ERBB4: variants seen among roughly 807,000 people sequenced by gnomAD.
ERBB4 encodes receptor tyrosine-protein kinase erbB-4.
In ERBB4, 42 loss-of-function variants were observed where a neutral mutation model predicts 158.0. The ratio of observed to expected loss-of-function variants is 0.27; its 90% CI spans 0.21 to 0.34. The LOEUF is 0.34. Ranked by LOEUF, ERBB4 falls within the 10% of genes least tolerant of loss-of-function variation. The pLI, the probability that ERBB4 is intolerant of heterozygous loss-of-function variation, is 1.00. For missense variants in ERBB4, 1,333 were observed against 1,624.1 expected, an observed-to-expected ratio of 0.82 and a Z score of 3.08; for synonymous variants, 583 against 558.7, an observed-to-expected ratio of 1.04 and a Z score of -0.61.
chr2:211,625,854 G>A (rs1418803337), intron 17 of ERBB4, among the ~76,000 whole-genome samples: 2 of 152,296 alleles, frequency 1.3e-5, no homozygotes, highest in East Asian at 3.9e-4. Context: ...TATACATTGT[G>A]TATATGCCTT....
chr2:212,476,884 A>G (rs1689432619), intron 1 of ERBB4, among the ~76,000 whole-genome samples: 1 of 152,020 alleles, frequency 6.6e-6, no homozygotes, highest in South Asian at 2.1e-4. Flanking sequence ...AAAAGACAAT[A>G]CCACTCTAGC....
intron 3 of ERBB4, among the ~76,000 whole-genome samples, chr2:211,855,453 T>C (rs1040711173): frequency 7.2e-5 from 11 of 152,142 alleles, no homozygotes; most frequent in African/African-American, 2.7e-4. Flanking sequence ...TAAAAGTTTT[T>C]TACCTTTAAC....
chr2:211,997,962 C>T (rs532329725), intron 2 of ERBB4, among the ~76,000 whole-genome samples: 8 of 150,868 alleles, frequency 5.3e-5, no homozygotes, highest in South Asian at 4.2e-4. Flanking sequence ...GAATGCAATA[C>T]GTGAAGCTGA....
chr2:211,568,835 C>T (rs1022919674), intron 19 of ERBB4, among the ~76,000 whole-genome samples: 1 of 152,032 alleles, frequency 6.6e-6, no homozygotes, highest in Non-Finnish European at 1.5e-5. Context: ...ATAATGACGG[C>T]CACAATGATG....
chr2:211,959,730 C>T (rs190975329), intron 2 of ERBB4, among the ~76,000 whole-genome samples: 3 of 152,170 alleles, frequency 2.0e-5, no homozygotes, highest in Non-Finnish European at 2.9e-5. Context: ...TAAAATATCA[C>T]CTTTTTGCCT....
At chr2:211,759,806 A>AGT (rs67981670) in intron 4 of ERBB4, among the ~76,000 whole-genome samples, 5,228 of 149,984 alleles carry the variant, frequency 0.035, 193 homozygotes, top group African/African-American at 0.093. Context: ...CATTTTCTAG[A>AGT]GTGTGTGTGT....
At chr2:211,786,037 A>G (rs1383610484) in intron 4 of ERBB4, among the ~76,000 whole-genome samples, 1 of 152,220 alleles carries the variant, frequency 6.6e-6, no homozygotes, top group African/African-American at 2.4e-5. Flanking sequence ...TAGACAGATG[A>G]AGTCTTGAAC....
chr2:212,370,470 T>C (rs2090047041), intron 1 of ERBB4, among the ~76,000 whole-genome samples: 1 of 152,142 alleles, frequency 6.6e-6, no homozygotes, highest in South Asian at 2.1e-4. Context: ...TGGTAGCTAG[T>C]TGGATATATA....
rs769707072 is a variant in ERBB4 at position 211,560,262 on chromosome 2, CTTTTTT to C, written c.2487+1635_2487+1640del. ...CAGCACTAACAAATTTGAAGCTTAG[CTTTTTT>C]TTTTTTTTTTTTTTTTTTTTTTTGA... On this transcript the variant is annotated intron_variant, in intron 20 of 27. Coordinates refer to ENST00000342788, the MANE Select transcript of ERBB4 (RefSeq NM_005235.3). Among the ~76,000 whole-genome samples, 217 of 46,250 alleles carry C rather than the reference CTTTTTT, an allele frequency of 4.7e-3. 1 individual carries two copies. Among genetic ancestry groups the C allele is most frequent in the African/African-American group, 0.02 (210 of 10,398 alleles). 30.3% of individuals were successfully genotyped at this position (46,250 alleles called of 152,430 possible).
intron 20 of ERBB4, among the ~76,000 whole-genome samples, chr2:211,460,183 C>T (rs1423395383): frequency 1.3e-5 from 2 of 151,966 alleles, no homozygotes; most frequent in Non-Finnish European, 2.9e-5. Flanking sequence ...ATTATTATTA[C>T]CAGTAAAAAT....
chr2:212,391,596 G>A (rs1476119920), intron 1 of ERBB4, among the ~76,000 whole-genome samples: 1 of 142,552 alleles, frequency 7.0e-6, no homozygotes, highest in Non-Finnish European at 1.5e-5. Flanking sequence ...AGTCTCTCCT[G>A]TACAGCAATG....
intron 27 of ERBB4, among the ~76,000 whole-genome samples, chr2:211,384,456 A>G (rs2062642542): frequency 6.6e-6 from 1 of 152,168 alleles, no homozygotes; most frequent in Non-Finnish European, 1.5e-5. Flanking sequence ...TAACTTCTAT[A>G]AAGGATATTG....
At chr2:212,344,039 T>C (rs2088851430) in intron 1 of ERBB4, among the ~76,000 whole-genome samples, 1 of 152,238 alleles carries the variant, frequency 6.6e-6, no homozygotes, top group Non-Finnish European at 1.5e-5. Flanking sequence ...GAAATCATTT[T>C]AAATTTATTT....
intron 4 of ERBB4, among the ~76,000 whole-genome samples, chr2:211,769,509 G>C (rs1208416040): frequency 6.6e-6 from 1 of 152,216 alleles, no homozygotes; most frequent in Non-Finnish European, 1.5e-5. Context: ...ATAGGAAAGA[G>C]AGTTTATGAA....
At chr2:212,384,252 T>G (rs898481385) in intron 1 of ERBB4, among the ~76,000 whole-genome samples, 2 of 151,712 alleles carry the variant, frequency 1.3e-5, no homozygotes, top group South Asian at 2.1e-4. Flanking sequence ...TACAGTATTA[T>G]TGTAACACCT....
intron 16 of ERBB4, among the ~76,000 whole-genome samples, chr2:211,638,318 AT>A (rs1205601854): frequency 4.6e-5 from 7 of 152,144 alleles, no homozygotes; most frequent in African/African-American, 1.7e-4. Context: ...ACCAGGAAAC[AT>A]TGAAATTCCC....
At chr2:212,454,823 G>A (rs896081106) in intron 1 of ERBB4, among the ~76,000 whole-genome samples, 1 of 152,026 alleles carries the variant, frequency 6.6e-6, no homozygotes, top group Non-Finnish European at 1.5e-5. Flanking sequence ...AAGTGAAGCA[G>A]TTGGACTCAA....
At chr2:211,907,000 G>A (rs184850372) in intron 3 of ERBB4, among the ~76,000 whole-genome samples, 13 of 151,688 alleles carry the variant, frequency 8.6e-5, no homozygotes, top group African/African-American at 3.1e-4. Context: ...TTAAAATAAT[G>A]ATATTTGTGT....
intron 20 of ERBB4, among the ~76,000 whole-genome samples, chr2:211,549,103 T>A (rs1215899671): frequency 6.6e-6 from 1 of 152,148 alleles, no homozygotes; most frequent in Non-Finnish European, 1.5e-5. Flanking sequence ...ATTGACGTTT[T>A]GTGCTTGCTA....
Sources: gnomAD v4.1 joint callset for allele counts (sites outside exome capture counted in the v4.1 genomes callset) on GRCh38, gnomAD v4.1.1 for gene constraint, MANE v1.5 for transcripts, NCBI Gene and HGNC (gene_info 2026-07-23, HGNC 2026-07-21) for gene names.